SBNO1: variants seen among roughly 807,000 people sequenced by gnomAD.
SBNO1 encodes protein strawberry notch homolog 1.
SBNO1 carries 23 observed loss-of-function variants against 173.6 expected under a neutral mutation model. That is an observed-to-expected ratio of 0.13 (90% confidence interval 0.10 to 0.19). The LOEUF is 0.19. SBNO1 is among the 10% of genes least tolerant of loss of function. SBNO1 has a pLI of 1.00. For missense variants in SBNO1, 1,238 were observed against 1,671.2 expected, an observed-to-expected ratio of 0.74 and a Z score of 4.52; for synonymous variants, 632 against 571.5, an observed-to-expected ratio of 1.11 and a Z score of -1.51.
intron 3 of SBNO1, 112 bp from the exon 4 acceptor site, chr12:123,345,682 CTTTT>C (rs569051179): frequency 2.8e-6 from 2 of 720,534 alleles, no homozygotes; most frequent in Middle Eastern, 3.4e-4. Context: ...TTTATTATTG[CTTTT>C]TTTTTTTCTT....
intron 10 of SBNO1, among the ~76,000 whole-genome samples, chr12:123,328,354 G>C (rs796855251): frequency 2.3e-4 from 35 of 152,298 alleles, no homozygotes; most frequent in African/African-American, 8.2e-4. Context: ...ATTTCAAAAA[G>C]TGATGTTCCT....
intron 16 of SBNO1, 63 bp downstream of exon 16, chr12:123,323,617 G>A: frequency 7.8e-7 from 1 of 1,278,322 alleles, no homozygotes; most frequent in Middle Eastern, 1.9e-4. Context: ...GCCTCCCAAA[G>A]TGCTGGGATT....
chr12:123,297,844 A>G, intron 31 of SBNO1, 134 bp downstream of exon 31: 1 of 748,800 alleles, frequency 1.3e-6, no homozygotes, highest in South Asian at 1.8e-5. Context: ...TGTAAGAAAT[A>G]TAAAACGGGT....
chr12:123,326,281 C>G lies in SBNO1; in HGVS notation c.1746G>C (p.Glu582Asp). 1 of 1,613,150 alleles carries G rather than the reference C, an allele frequency of 6.2e-7. No individual in the cohort carries two copies. Among genetic ancestry groups the G allele is most frequent in the Non-Finnish European group, 8.5e-7 (1 of 1,179,382 alleles). Residue 582 changes from glutamate (E) to aspartate (D), a missense_variant, in exon 14 of 32, where the codon GAG (glutamate) becomes GAC (aspartate). Around this residue, in one of 14 missense-constraint regions of SBNO1, gnomAD observed 182 missense variants for 339.9 expected, o/e 0.54. Coordinates refer to ENST00000602398, the MANE Select transcript of SBNO1 (RefSeq NM_001167856.3). ...CCCACATGGACTTCTTCATTCGTTG[C>G]TCAGCATCAATCAGATCTGCAGCTT... The part of the protein sequence containing the change: ...FQQAADLIDA[E>D]QRMKKSMWGQ...
chr12:123,358,161 A>T (rs1282144944), intron 1 of SBNO1, among the ~76,000 whole-genome samples: 1 of 152,242 alleles, frequency 6.6e-6, no homozygotes, highest in African/African-American at 2.4e-5. Flanking sequence ...CATATACACC[A>T]GATACACATA....
chr12:123,344,741 C>T (rs922076621), intron 4 of SBNO1, among the ~76,000 whole-genome samples: 9 of 151,958 alleles, frequency 5.9e-5, no homozygotes, highest in African/African-American at 1.9e-4. Flanking sequence ...TCCAGCTACT[C>T]GGGAGGCTGA....
At position 123,304,708 on chromosome 12, in the gene SBNO1, G is replaced by A; in HGVS notation, c.3642C>T (p.Asn1214=). ...CTTTAACTAAGATGGCAGTTTTCTT[G>A]TTGTTCCTTATCTGTTTAAAGAAAA... The part of the protein sequence containing the change: ...GFYLSLQIRN[N]KKTAILVKEV... Residue 1214 remains asparagine (N), a synonymous_variant, in exon 29 of 32, where the codon AAC becomes AAT. Coordinates refer to ENST00000602398, the MANE Select transcript of SBNO1 (RefSeq NM_001167856.3). 6.6e-7 allele frequency: 1 copy of A among 1,525,524 alleles called. No homozygotes were observed. Among genetic ancestry groups the A allele is most frequent in the Non-Finnish European group, 9.0e-7 (1 of 1,107,232 alleles). 94.5% of individuals were successfully genotyped at this position (1,525,524 alleles called of 1,614,324 possible). A position where few individuals can be genotyped will look rare whatever the true frequency, so the allele number is the denominator to read the frequency against.
chr12:123,328,796 C>T lies in SBNO1; in HGVS notation c.1234G>A (p.Gly412Ser), dbSNP rs770135021. The change falls in exon 10 of 32, where the codon GGC (glycine) becomes AGC (serine). Residue 412 changes from glycine to serine, a missense_variant. Gly to Ser is a moderately conservative substitution (Grantham distance 56). This residue lies in a region of SBNO1 where 182 missense variants were observed against 339.9 expected (regional missense o/e 0.54). Coordinates refer to ENST00000602398, the MANE Select transcript of SBNO1 (RefSeq NM_001167856.3). ...TGTTTTAACCTAGTTTTATACTTGC[C>T]GCCAGACTGGCTTTCACCAATAAGT... ...SSLIGESQSG[G>S]KYKTRLKQLL... 11 of 1,609,478 alleles carry T rather than the reference C, an allele frequency of 6.8e-6. No individual in the cohort carries two copies. Among genetic ancestry groups the T allele is most frequent in the Admixed American group, 6.7e-5 (4 of 59,860 alleles).
intron 28 of SBNO1, among the ~76,000 whole-genome samples, chr12:123,307,186 G>A (rs929371890): frequency 1.4e-4 from 22 of 151,900 alleles, no homozygotes; most frequent in Non-Finnish European, 2.9e-5. Context: ...GAGCGAGCGA[G>A]ATCCCATTAC....
chr12:123,337,903 T>C (rs1436072249), intron 5 of SBNO1, among the ~76,000 whole-genome samples: 1 of 152,150 alleles, frequency 6.6e-6, no homozygotes, highest in Non-Finnish European at 1.5e-5. Flanking sequence ...TTTAAAATCA[T>C]CATAAAATTG....
chr12:123,364,827 C>A lies in SBNO1; in HGVS notation c.-127G>T. 1 of 970,144 alleles carries A rather than the reference C, an allele frequency of 1.0e-6. No individual in the cohort carries two copies. The highest frequency in any genetic ancestry group is 1.2e-6 in the Non-Finnish European group (1 of 816,170). The allele number at this position is 970,144 out of a possible 1,614,324, so 60.1% of individuals were successfully genotyped here. ...CGGCGTCCTGCTCTGCCTACCTCCC[C>A]GCCGCCATCTTGACGCCCCTCCCCC... On this transcript the variant is annotated 5_prime_UTR_variant, in exon 1 of 32. Transcript: ENST00000602398.
chr12:123,348,977 T>A (rs1873558541), intron 2 of SBNO1: 1 of 133,736 alleles, frequency 7.5e-6, no homozygotes. Context: ...AAAAATTTTT[T>A]TTAGTCTTTT....
intron 5 of SBNO1, among the ~76,000 whole-genome samples, chr12:123,339,498 C>A (rs184431101): frequency 6.6e-6 from 1 of 152,140 alleles, no homozygotes; most frequent in East Asian, 1.9e-4. Flanking sequence ...AGTCCAAAGT[C>A]CTTCAAACTC....
At chr12:123,360,927 AT>A (rs1186949548) in intron 1 of SBNO1, among the ~76,000 whole-genome samples, 5 of 152,038 alleles carry the variant, frequency 3.3e-5, no homozygotes, top group African/African-American at 1.2e-4. Context: ...CCTGGCCAAC[AT>A]GGTGAAGCCC....
intron 16 of SBNO1, 40 bp from the exon 17 acceptor site, chr12:123,321,772 A>T: frequency 6.6e-7 from 1 of 1,515,180 alleles, no homozygotes; most frequent in South Asian, 1.1e-5. Flanking sequence ...CCCAAATTCA[A>T]TGTTTCTTAA....
At chr12:123,326,956 TTGG>T (rs1347169505) in intron 13 of SBNO1, among the ~76,000 whole-genome samples, 1 of 152,046 alleles carries the variant, frequency 6.6e-6, no homozygotes, top group East Asian at 1.9e-4. Flanking sequence ...AAAAAACACA[TTGG>T]TTAAACAGCC....
intron 28 of SBNO1, among the ~76,000 whole-genome samples, chr12:123,308,931 C>G (rs1278939235): frequency 6.6e-6 from 1 of 152,128 alleles, no homozygotes; most frequent in Admixed American, 6.6e-5. Flanking sequence ...TGAAGAAACC[C>G]CGTCTCTACT....
chr12:123,308,127 T>C (rs1304759186), intron 28 of SBNO1, among the ~76,000 whole-genome samples: 1 of 151,958 alleles, frequency 6.6e-6, no homozygotes, highest in Non-Finnish European at 1.5e-5. Flanking sequence ...ACTGGCGAAA[T>C]AAAATTTCTG....
chr12:123,346,145 G>A (rs11057284), intron 3 of SBNO1, among the ~76,000 whole-genome samples: 1 of 151,944 alleles, frequency 6.6e-6, no homozygotes, highest in Non-Finnish European at 1.5e-5. Context: ...GCCAGGCACA[G>A]TGGTGTGCAC....
Sources: gnomAD v4.1 joint callset for allele counts (sites outside exome capture counted in the v4.1 genomes callset) on GRCh38, gnomAD v4.1.1 for gene constraint, gnomAD v4.1.1 regional missense constraint, MANE v1.5 for transcripts, NCBI Gene and HGNC (gene_info 2026-07-23, HGNC 2026-07-21) for gene names.